Variants in PIK3R6 observed in about 807,000 individuals in gnomAD.
The protein encoded by PIK3R6 is phosphoinositide 3-kinase regulatory subunit 6.
A neutral mutation model predicts 84.9 loss-of-function variants in PIK3R6; 91 were observed. The ratio of observed to expected loss-of-function variants is 1.07; its 90% CI spans 0.90 to 1.28. The LOEUF (loss-of-function observed/expected upper bound fraction) is 1.28, where lower values mean the gene tolerates loss of function less well. PIK3R6 is among the 50% of genes most tolerant of loss of function. PIK3R6 has a pLI of 0.00. For synonymous variants in PIK3R6, 416 were observed against 411.4 expected (o/e 1.01, Z -0.13); for missense variants, 996 against 985.1 (o/e 1.01, Z -0.15).
chr17:8,808,330 G>C (rs2087260670), intron 18 of PIK3R6, among the ~76,000 whole-genome samples: 1 of 151,902 alleles, frequency 6.6e-6, no homozygotes, highest in South Asian at 2.1e-4. Context: ...CTGCATATGT[G>C]GAACCTGCAC....
chr17:8,856,923 A>G (rs571966292), intron 1 of PIK3R6, among the ~76,000 whole-genome samples: 2 of 68,510 alleles, frequency 2.9e-5, no homozygotes, highest in Non-Finnish European at 6.0e-5. Flanking sequence ...GGAGCCCGCC[A>G]GTCAATTTAA....
chr17:8,853,727 G>A lies in PIK3R6; in HGVS notation c.-91-3842C>T, dbSNP rs532730108. ...ATCTGTAATCCCGGCACTTTGGGAG[G>A]CCAAGGGGGGCAGGTCACGAGGCCA... is the stretch of plus-strand genomic sequence containing the variant. On this transcript the variant is annotated intron_variant, in intron 1 of 19. Transcript: ENST00000619866. Among the ~76,000 whole-genome samples, 33 of 151,842 alleles carry A rather than the reference G, an allele frequency of 2.2e-4. No individual in the cohort carries two copies. The South Asian group carries it at 5.6e-3, about 26-fold the overall frequency.
In PIK3R6 at chr17:8,857,074, A is replaced by T. The variant is rs75285581; in HGVS notation, c.-91-7189T>A. ...ACTGCCTCAGAGGCCTTTCCTGAAC[A>T]TCCTGTCCAAAATAGCCCTCCCTGT... On this transcript the variant is annotated intron_variant, in intron 1 of 19. Coordinates refer to ENST00000619866, the MANE Select transcript of PIK3R6 (RefSeq NM_001010855.4). 1.3e-3 allele frequency among the ~76,000 whole-genome samples: 173 copies of T among 133,062 alleles called. No individual in the cohort carries two copies. The East Asian group carries it at 0.025, about 19-fold the overall frequency. The allele number at this position is 133,062 out of a possible 152,430, so 87.3% of individuals were successfully genotyped here. A position where few individuals can be genotyped will look rare whatever the true frequency, so the allele number is the denominator to read the frequency against.
Position 8,849,816 on chromosome 17 carries a change from G to A in PIK3R6, c.-22C>T. On this transcript the variant is annotated 5_prime_UTR_variant, in exon 2 of 20. Coordinates refer to ENST00000619866, the MANE Select transcript of PIK3R6 (RefSeq NM_001010855.4). Reference sequence around the variant, plus strand: ...CCATGGGAGCCTTTGGGTGTAGGAGGAGGAGGATGTGGTTGTCTCGGGCAG... The same window carrying A: ...CCATGGGAGCCTTTGGGTGTAGGAGAAGGAGGATGTGGTTGTCTCGGGCAG... 1.2e-6 allele frequency: 2 copies of A among 1,611,136 alleles called. No individual in the cohort carries two copies. The highest frequency in any genetic ancestry group is 2.2e-5 in the East Asian group (1 of 44,832).
intron 7 of PIK3R6, among the ~76,000 whole-genome samples, chr17:8,836,035 G>T (rs2088448445): frequency 6.6e-6 from 1 of 152,146 alleles, no homozygotes; most frequent in Non-Finnish European, 1.5e-5. Context: ...GCAGAAGAGG[G>T]AGGTGCCGCT....
intron 18 of PIK3R6, among the ~76,000 whole-genome samples, chr17:8,807,810 T>C (rs2087246700): frequency 6.6e-6 from 1 of 152,150 alleles, no homozygotes; most frequent in Admixed American, 6.5e-5. Flanking sequence ...ATGGAGGAGT[T>C]TTAAGTACGG....
intron 1 of PIK3R6, among the ~76,000 whole-genome samples, chr17:8,855,118 G>A (rs964623014): frequency 2.0e-5 from 3 of 152,046 alleles, no homozygotes; most frequent in Admixed American, 6.6e-5. Context: ...ACTTGAACCC[G>A]GGCAGCAGAG....
At chr17:8,830,399 G>A (rs2088193622) in intron 9 of PIK3R6, among the ~76,000 whole-genome samples, 2 of 152,182 alleles carry the variant, frequency 1.3e-5, no homozygotes, top group South Asian at 4.2e-4. Flanking sequence ...CATTCCCTCC[G>A]AGCAGACTGT....
intron 9 of PIK3R6, among the ~76,000 whole-genome samples, chr17:8,832,624 G>A (rs112818801): frequency 0.21 from 31,155 of 149,606 alleles, 3,416 homozygotes; most frequent in Non-Finnish European, 0.24. Context: ...GGCTGGTCTC[G>A]AAACCCTGAC....
intron 4 of PIK3R6, chr17:8,838,151 A>C: frequency 2.0e-6 from 1 of 507,178 alleles, no homozygotes; most frequent in Non-Finnish European, 3.5e-6. Flanking sequence ...AGCAACAAAC[A>C]AGTCCTCAGC....
chr17:8,856,847 T>C (rs2089153333), intron 1 of PIK3R6, among the ~76,000 whole-genome samples: 1 of 151,770 alleles, frequency 6.6e-6, no homozygotes, highest in Non-Finnish European at 1.5e-5. Context: ...GTGTAACAGA[T>C]GGCACACACA....
At chr17:8,856,918 C>T (rs1185878482) in intron 1 of PIK3R6, among the ~76,000 whole-genome samples, 1 of 69,022 alleles carries the variant, frequency 1.4e-5, no homozygotes, top group African/African-American at 1.0e-4. Flanking sequence ...ATCTGGGAGC[C>T]CGCCAGTCAA....
intron 5 of PIK3R6, 128 bp downstream of exon 5, chr17:8,837,675 T>G: frequency 1.3e-6 from 1 of 777,306 alleles, no homozygotes; most frequent in Non-Finnish European, 2.1e-6. Context: ...GAAGCCAGTT[T>G]AGGGCAGGCA....
chr17:8,834,930 C>A (rs576258156), intron 8 of PIK3R6, among the ~76,000 whole-genome samples: 1 of 152,018 alleles, frequency 6.6e-6, no homozygotes, highest in Non-Finnish European at 1.5e-5. Flanking sequence ...CTCCACTTTC[C>A]GGGTTCAAGC....
Position 8,842,607 on chromosome 17 carries a change from C to T in PIK3R6, c.14-2910G>A, listed in dbSNP as rs897412844. 6.6e-6 allele frequency among the ~76,000 whole-genome samples: 1 copy of T among 151,140 alleles called. No individual in the cohort carries two copies. Among genetic ancestry groups the T allele is most frequent in the Admixed American group, 6.6e-5 (1 of 15,184 alleles). On this transcript the variant is annotated intron_variant, in intron 2 of 19. Coordinates refer to ENST00000619866, the MANE Select transcript of PIK3R6 (RefSeq NM_001010855.4). This position sits in a 1 kb window ranked among gnomAD's most constrained non-coding sequence, Gnocchi z 4.5. Reference sequence around the variant, plus strand: ...GAAACACTCCTCACACAATAAATTCCTCTTTGCAATTAGCTCCCACCAAGA... The same window carrying T: ...GAAACACTCCTCACACAATAAATTCTTCTTTGCAATTAGCTCCCACCAAGA...
intron 1 of PIK3R6, among the ~76,000 whole-genome samples, chr17:8,865,368 A>C (rs1362112077): frequency 6.6e-6 from 1 of 152,142 alleles, no homozygotes; most frequent in African/African-American, 2.4e-5. Flanking sequence ...AAAGATGTGG[A>C]GCTTCCAGGC....
chr17:8,838,134 G>A (rs2088547382), intron 4 of PIK3R6, among the ~76,000 whole-genome samples: 1 of 152,262 alleles, frequency 6.6e-6, no homozygotes, highest in African/African-American at 2.4e-5. Context: ...GGTAGGAGTC[G>A]CAGCAAAGCA....
chr17:8,838,386 A>G, intron 4 of PIK3R6, 178 bp downstream of exon 4: 1 of 563,802 alleles, frequency 1.8e-6, no homozygotes, highest in Non-Finnish European at 3.2e-6. Flanking sequence ...TAAAACAATG[A>G]GAGTCGACGT....
In PIK3R6 at chr17:8,839,462, G is replaced by A. The variant is rs561446534; in HGVS notation, c.97+152C>T. Among the ~76,000 whole-genome samples, 106 of 152,294 alleles carry A rather than the reference G, an allele frequency of 7.0e-4. 1 individual carries two copies. Among genetic ancestry groups the A allele is most frequent in the South Asian group, 1.2e-3 (6 of 4,828 alleles). On this transcript the variant is annotated intron_variant, in intron 3 of 19. Transcript: ENST00000619866. The surrounding 1 kb of genome is among the most constrained non-coding windows in gnomAD (Gnocchi z 4.2). ...CAGAGAAGCCTTCTCAGTCCTTCAGGCTCTAGGTATTTCCAGCAGGAAAGG... is the reference window on the plus strand; with the variant it reads ...CAGAGAAGCCTTCTCAGTCCTTCAGACTCTAGGTATTTCCAGCAGGAAAGG...
Sources: allele counts gnomAD v4.1 joint callset (sites outside exome capture counted in the v4.1 genomes callset), GRCh38; gene constraint gnomAD v4.1.1; non-coding constraint Gnocchi (gnomAD v3.1); transcripts MANE v1.5; gene names NCBI Gene and HGNC (gene_info 2026-07-23, HGNC 2026-07-21).